The following C1orf116 variants were observed in gnomAD, a reference collection of about 807,000 sequenced individuals.
The protein encoded by C1orf116 is chromosome 1 open reading frame 116, also known as specifically androgen-regulated gene protein.
Under a neutral mutation model 14.1 loss-of-function variants are expected in C1orf116, and 12 were observed. The observed-to-expected ratio is 0.85, with a 90% CI of 0.54 to 1.38. The LOEUF is 1.38. C1orf116 is among the 40% of genes most tolerant of loss of function. C1orf116 has a pLI of 0.00. For missense variants in C1orf116, 797 were observed against 747.0 expected (o/e 1.07, Z -0.78); for synonymous variants, 296 against 299.0 (o/e 0.99, Z 0.10).
At position 207,023,370 on chromosome 1, in the gene C1orf116, A is replaced by G. The variant is rs752119278; in HGVS notation, c.394T>C (p.Tyr132His). ...ATGTGGATATTCCTAGGGAGGCTGT[A>G]GGAGCCAGACCTGAGGCCTAGGCCC... ...PQGLGLRSGS[Y>H]SLPRNIHIAR... The change falls in exon 4 of 4, where the codon TAC (tyrosine) becomes CAC (histidine). Residue 132 changes from tyrosine to histidine, a missense_variant. Physicochemically the swap from Tyr to His is moderately conservative, Grantham distance 83. Transcript: ENST00000359470. 3 of 1,614,166 alleles carry G rather than the reference A, an allele frequency of 1.9e-6. No individual in the cohort carries two copies. Among genetic ancestry groups the G allele is most frequent in the Non-Finnish European group, 2.5e-6 (3 of 1,180,010 alleles).
At chr1:207,031,036 C>T (rs1682227662) in intron 1 of C1orf116, among the ~76,000 whole-genome samples, 1 of 152,166 alleles carries the variant, frequency 6.6e-6, no homozygotes, top group African/African-American at 2.4e-5. Context: ...ACCCAGGTCC[C>T]TCTCATCCTC....
chr1:207,031,083 G>T (rs1345935812), intron 1 of C1orf116, among the ~76,000 whole-genome samples: 1 of 152,122 alleles, frequency 6.6e-6, no homozygotes, highest in Non-Finnish European at 1.5e-5. Flanking sequence ...CAAGAGCTTT[G>T]CCTCTCTGCC....
chr1:207,022,672 T>C lies in C1orf116; in HGVS notation c.1092A>G (p.Gly364=), dbSNP rs749596824. The C allele has an allele frequency of 6.2e-7, 1 of 1,613,916 alleles. No homozygotes were observed. The highest frequency in any genetic ancestry group is 2.2e-5 in the East Asian group (1 of 44,860). Residue 364 remains glycine, a synonymous_variant, in exon 4 of 4, where the codon GGA becomes GGG. Coordinates refer to ENST00000359470, the MANE Select transcript of C1orf116 (RefSeq NM_023938.6). ...AGCTGGTGGGCTTACTTAAGTGGAGTCCAGGCTCATCTTGATCCTGGGGTA... is the reference window on the plus strand; with the variant it reads ...AGCTGGTGGGCTTACTTAAGTGGAGCCCAGGCTCATCTTGATCCTGGGGTA... The part of the protein sequence containing the change: ...LGLPQDQDEP[G]LHLSKPTSSI...
At chr1:207,031,494 T>A (rs944148538) in intron 1 of C1orf116, among the ~76,000 whole-genome samples, 2 of 152,114 alleles carry the variant, frequency 1.3e-5, no homozygotes, top group African/African-American at 4.8e-5. Context: ...ATATATTCAC[T>A]CAGGGCTGCG....
At position 207,023,147 on chromosome 1, in the gene C1orf116, T is replaced by C; in HGVS notation, c.617A>G (p.Asp206Gly). The stretch of plus-strand genomic sequence containing the variant: ...TTCCCTACACTGCTCTGGCTGGGTG[T>C]CCCGGAAAGCTTCTGGCGGAGGGAT... Reference protein sequence around the residue: ...VLIPPPEAFRDTQPEQCREAS... With the variant: ...VLIPPPEAFRGTQPEQCREAS... The change falls in exon 4 of 4, where the codon GAC (aspartate) becomes GGC (glycine). Residue 206 changes from aspartate (D) to glycine (G), a missense_variant. Physicochemically the swap from Asp to Gly is moderately conservative, Grantham distance 94. Coordinates refer to ENST00000359470, the MANE Select transcript of C1orf116 (RefSeq NM_023938.6). 1 of 1,611,918 alleles carries C rather than the reference T, an allele frequency of 6.2e-7. No homozygotes were observed. Among genetic ancestry groups the C allele is most frequent in the Non-Finnish European group, 8.5e-7 (1 of 1,179,028 alleles).
At chr1:207,030,721 C>G (rs577003767) in intron 1 of C1orf116, among the ~76,000 whole-genome samples, 1 of 152,242 alleles carries the variant, frequency 6.6e-6, no homozygotes, top group East Asian at 1.9e-4. Flanking sequence ...CATCGAAACC[C>G]TGATAAGAAG....
chr1:207,030,344 C>T (rs141003621), intron 1 of C1orf116, among the ~76,000 whole-genome samples: 1 of 152,094 alleles, frequency 6.6e-6, no homozygotes, highest in African/African-American at 2.4e-5. Context: ...AGGGGCATGC[C>T]CCCGAGAATG....
In C1orf116 at chr1:207,022,571, T is replaced by C. The variant is rs1572693125; in HGVS notation, c.1193A>G (p.Gln398Arg). ...PGLAQPAAPA[Q>R]ASAAIPAAGK... The stretch of plus-strand genomic sequence containing the variant: ...AGCAGCAGGAATAGCTGCTGAGGCC[T>C]GGGCTGGAGCTGCAGGCTGAGCCAG... The change falls in exon 4 of 4, where the codon CAG (glutamine) becomes CGG (arginine). Residue 398 changes from glutamine (Q) to arginine (R), a missense_variant. Gln to Arg is a conservative substitution (Grantham distance 43). Coordinates refer to ENST00000359470, the MANE Select transcript of C1orf116 (RefSeq NM_023938.6). 1.2e-6 allele frequency: 2 copies of C among 1,614,146 alleles called. No homozygotes were observed. The highest frequency in any genetic ancestry group is 1.3e-5 in the African/African-American group (1 of 75,054).
Position 207,022,932 on chromosome 1 carries a change from C to A in C1orf116, c.832G>T (p.Ala278Ser). The A allele has an allele frequency of 6.2e-7, 1 of 1,614,094 alleles. No homozygotes were observed. Among genetic ancestry groups the A allele is most frequent in the Non-Finnish European group, 8.5e-7 (1 of 1,179,998 alleles). ...GGGTCCTCCCCTGATGAGAGGGGAG[C>A]ATCTTCAGCTCTTGCATTCTGAGGC... ...GLPQNARAED[A>S]PLSSGEDPNS... Residue 278 changes from alanine to serine, a missense_variant, in exon 4 of 4, where the codon GCT becomes TCT. Transcript: ENST00000359470.
intron 2 of C1orf116, among the ~76,000 whole-genome samples, chr1:207,026,540 T>C (rs1682078578): frequency 6.6e-6 from 1 of 152,270 alleles, no homozygotes; most frequent in African/African-American, 2.4e-5. Flanking sequence ...TATGATTGTC[T>C]GCACTTTGGA....
At position 207,027,676 on chromosome 1, in the gene C1orf116, G is replaced by A. The variant is rs754333954; in HGVS notation, c.-78C>T. 529 of 1,570,858 alleles carry A rather than the reference G, an allele frequency of 3.4e-4. No individual in the cohort carries two copies. The highest frequency in any genetic ancestry group is 4.3e-4 in the Non-Finnish European group (497 of 1,161,478). On this transcript the variant is annotated 5_prime_UTR_variant, in exon 2 of 4. Coordinates refer to ENST00000359470, the MANE Select transcript of C1orf116 (RefSeq NM_023938.6). ...GGGGAAGTGAACAATGTCCCAAGCC[G>A]GGCCTGAAAAGAGAAGAATCAAAGC...
At position 207,024,917 on chromosome 1, in the gene C1orf116, C is replaced by G; in HGVS notation, c.253G>C (p.Ala85Pro). The G allele has an allele frequency of 6.2e-7, 1 of 1,614,012 alleles. No homozygotes were observed. Among genetic ancestry groups the G allele is most frequent in the Non-Finnish European group, 8.5e-7 (1 of 1,179,946 alleles). ...EPATTPRGFR[A>P]LPITQPTPRG... is the part of the protein sequence containing the mutation. ...GGAGTGGGTTGGGTTATGGGCAGTG[C>G]TCGGAAACCTCTGGGAGTTGTGGCT... The change falls in exon 3 of 4, where the codon GCA becomes CCA. Residue 85 changes from alanine (A) to proline (P), a missense_variant. Ala to Pro is a conservative substitution (Grantham distance 27). Coordinates refer to ENST00000359470, the MANE Select transcript of C1orf116 (RefSeq NM_023938.6).
intron 2 of C1orf116, among the ~76,000 whole-genome samples, chr1:207,026,588 C>T (rs1275830248): frequency 6.6e-6 from 1 of 152,348 alleles, no homozygotes; most frequent in Non-Finnish European, 1.5e-5. Context: ...TCTATTTTTA[C>T]ATATCAAAAT....
In C1orf116 at chr1:207,019,685, A is replaced by G. The variant is rs568430870; in HGVS notation, c.*2273T>C. The G allele has an allele frequency of 1.3e-5, 2 of 152,326 alleles. No homozygotes were observed. The highest frequency in any genetic ancestry group is 4.8e-5 in the African/African-American group (2 of 41,570). 9.4% of individuals were successfully genotyped at this position (152,326 alleles called of 1,614,324 possible). On this transcript the variant is annotated 3_prime_UTR_variant, in exon 4 of 4. Coordinates refer to ENST00000359470, the MANE Select transcript of C1orf116 (RefSeq NM_023938.6). Reference sequence around the variant, plus strand: ...CCAAAGACCATCCTAAGAGCAAAATATGCTCCTTGAAGGATGAGGATGTGG... The same window carrying G: ...CCAAAGACCATCCTAAGAGCAAAATGTGCTCCTTGAAGGATGAGGATGTGG...
chr1:207,021,265 G>A lies in C1orf116; in HGVS notation c.*693C>T, dbSNP rs1387804024. 1 of 152,666 alleles carries A rather than the reference G, an allele frequency of 6.6e-6. No homozygotes were observed. Among genetic ancestry groups the A allele is most frequent in the Non-Finnish European group, 1.5e-5 (1 of 68,050 alleles). The allele number at this position is 152,666 out of a possible 1,614,324, so 9.5% of individuals were successfully genotyped here. ...CTGGTGGAGGTAGTGGCATAAATAT[G>A]TGGTCACTTATCCTGCCTTCTCAGA... is the stretch of plus-strand genomic sequence containing the variant. On this transcript the variant is annotated 3_prime_UTR_variant, in exon 4 of 4. Transcript: ENST00000359470.
chr1:207,031,764 C>A (rs183051811), intron 1 of C1orf116, among the ~76,000 whole-genome samples: 3 of 152,322 alleles, frequency 2.0e-5, no homozygotes, highest in Admixed American at 2.0e-4. Context: ...GTGGACTCTG[C>A]CACACTACCT....
chr1:207,029,232 GC>G (rs2102305169), intron 1 of C1orf116, among the ~76,000 whole-genome samples: 1 of 152,178 alleles, frequency 6.6e-6, no homozygotes, highest in African/African-American at 2.4e-5. Flanking sequence ...TCCCTAGTGA[GC>G]CAGACATCTG....
Position 207,020,792 on chromosome 1 carries a change from A to C in C1orf116, c.*1166T>G, listed in dbSNP as rs1681821916. ...TCTTTGATGGTGACTATGGCTCCTT[A>C]GGGTGCTGTGTGGATGTACAAGAGC... is the stretch of plus-strand genomic sequence containing the variant. On this transcript the variant is annotated 3_prime_UTR_variant, in exon 4 of 4. Transcript: ENST00000359470. 6.6e-6 allele frequency: 1 copy of C among 152,168 alleles called. No individual in the cohort carries two copies. The highest frequency in any genetic ancestry group is 1.5e-5 in the Non-Finnish European group (1 of 68,040). 9.4% of individuals were successfully genotyped at this position (152,168 alleles called of 1,614,324 possible).
At position 207,032,633 on chromosome 1, in the gene C1orf116, G is replaced by T. The variant is rs535780983; in HGVS notation, c.-136C>A. ...AAGAAATACCCTTTTGTTTCAAAGG[G>T]CAGAGATGGAGACAGAGGCTGCTTC... On this transcript the variant is annotated 5_prime_UTR_variant, in exon 1 of 4. Coordinates refer to ENST00000359470, the MANE Select transcript of C1orf116 (RefSeq NM_023938.6). The T allele has an allele frequency of 3.0e-6, 3 of 985,474 alleles. No individual in the cohort carries two copies. Among genetic ancestry groups the T allele is most frequent in the Admixed American group, 6.1e-5 (1 of 16,280 alleles). 61.0% of individuals were successfully genotyped at this position (985,474 alleles called of 1,614,324 possible).
Sources: gnomAD v4.1 joint callset for allele counts (sites outside exome capture counted in the v4.1 genomes callset) on GRCh38, gnomAD v4.1.1 for gene constraint, MANE v1.5 for transcripts, NCBI Gene and HGNC (gene_info 2026-07-23, HGNC 2026-07-21) for gene names.